The following CADM2 variants were observed in gnomAD, a reference collection of about 807,000 sequenced individuals.
The protein encoded by CADM2 is immunoglobulin superfamily member 4D.
A neutral mutation model predicts 49.8 loss-of-function variants in CADM2; 12 were observed. The observed-to-expected ratio is 0.24, with a 90% CI of 0.15 to 0.39. The LOEUF (loss-of-function observed/expected upper bound fraction) is 0.39, where lower values mean the gene tolerates loss of function less well. Ranked by LOEUF, CADM2 falls within the 10% of genes least tolerant of loss-of-function variation. The pLI, the probability that CADM2 is intolerant of heterozygous loss-of-function variation, is 1.00. For synonymous variants in CADM2, 214 were observed against 175.4 expected (o/e 1.22, Z -1.74); for missense variants, 378 against 492.3 (o/e 0.77, Z 2.20).
chr3:85,292,529 A>C (rs1449175684), intron 1 of CADM2, among the ~76,000 whole-genome samples: 1 of 151,924 alleles, frequency 6.6e-6, no homozygotes, highest in African/African-American at 2.4e-5. Context: ...AATTGACCAC[A>C]TACTTGGAAG....
intron 1 of CADM2, among the ~76,000 whole-genome samples, chr3:85,323,183 G>T (rs114781402): frequency 6.6e-6 from 1 of 152,118 alleles, no homozygotes; most frequent in Non-Finnish European, 1.5e-5. Flanking sequence ...GTCTAGGACT[G>T]AATGCAATCT....
At chr3:85,916,760 A>C (rs1423414021) in intron 6 of CADM2, among the ~76,000 whole-genome samples, 4 of 152,132 alleles carry the variant, frequency 2.6e-5, no homozygotes, top group Non-Finnish European at 5.9e-5. Flanking sequence ...GACTTCCACA[A>C]TGGTTGAACT....
intron 1 of CADM2, among the ~76,000 whole-genome samples, chr3:85,598,008 C>A (rs1412835051): frequency 6.6e-6 from 1 of 151,874 alleles, no homozygotes; most frequent in African/African-American, 2.4e-5. Flanking sequence ...TGTAACATTT[C>A]TTTAGCAATT....
intron 1 of CADM2, among the ~76,000 whole-genome samples, chr3:85,004,883 A>G (rs576921553): frequency 6.6e-6 from 1 of 152,294 alleles, no homozygotes; most frequent in Admixed American, 6.5e-5. Flanking sequence ...TCTGGCAGCA[A>G]TATGGACTGA....
Position 85,259,542 on chromosome 3 carries a change from T to C in CADM2, c.61+299874T>C, listed in dbSNP as rs6788409. On this transcript the variant is annotated intron_variant, in intron 1 of 9. Transcript: ENST00000383699. ...AATGATGCCTTCAGTAGTTTTCAGTTTTATTTTCCTTTAAACATTTACAAA... is the reference window on the plus strand; with the variant it reads ...AATGATGCCTTCAGTAGTTTTCAGTCTTATTTTCCTTTAAACATTTACAAA... Among the ~76,000 whole-genome samples, 1,054 of 152,166 alleles carry C rather than the reference T, an allele frequency of 6.9e-3. 9 individuals carry two copies. Among genetic ancestry groups the C allele is most frequent in the African/African-American group, 0.023 (965 of 41,522 alleles).
At chr3:85,139,847 G>GT (rs1304690232) in intron 1 of CADM2, among the ~76,000 whole-genome samples, 1 of 152,066 alleles carries the variant, frequency 6.6e-6, no homozygotes, top group Non-Finnish European at 1.5e-5. Flanking sequence ...ACTTATAAGG[G>GT]TTTTTTCAAG....
intron 2 of CADM2, among the ~76,000 whole-genome samples, chr3:85,738,775 A>T (rs1162434309): frequency 2.6e-5 from 4 of 152,320 alleles, no homozygotes; most frequent in Non-Finnish European, 5.9e-5. Flanking sequence ...TAAGAGATAT[A>T]CTAAAAGAGC....
chr3:85,643,631 G>A (rs2064796081), intron 1 of CADM2, among the ~76,000 whole-genome samples: 1 of 152,112 alleles, frequency 6.6e-6, no homozygotes, highest in East Asian at 1.9e-4. Flanking sequence ...GCTGAAGCAG[G>A]AGGGGAGCCC....
At chr3:86,026,243 T>C (rs557347300) in intron 8 of CADM2, among the ~76,000 whole-genome samples, 1 of 152,260 alleles carries the variant, frequency 6.6e-6, no homozygotes, top group African/African-American at 2.4e-5. Flanking sequence ...TGTGTTTAAA[T>C]TTAAAACATG....
intron 8 of CADM2, chr3:86,027,755 T>C (rs551275357): frequency 1.3e-5 from 2 of 152,216 alleles, no homozygotes; most frequent in South Asian, 4.1e-4. Context: ...TTTCAATAAC[T>C]TTTCAATTTT....
chr3:85,656,388 G>T (rs981241484), intron 1 of CADM2, among the ~76,000 whole-genome samples: 1 of 152,116 alleles, frequency 6.6e-6, no homozygotes, highest in Non-Finnish European at 1.5e-5. Flanking sequence ...AGGCCGAGGC[G>T]GGCAGATCAT....
At chr3:85,879,316 A>G (rs148275234) in intron 3 of CADM2, among the ~76,000 whole-genome samples, 119 of 152,172 alleles carry the variant, frequency 7.8e-4, no homozygotes, top group African/African-American at 2.7e-3. Flanking sequence ...TTTCACATTC[A>G]ATATAAATCA....
intron 1 of CADM2, among the ~76,000 whole-genome samples, chr3:85,166,506 T>C (rs889988194): frequency 1.6e-4 from 25 of 151,854 alleles, no homozygotes; most frequent in African/African-American, 5.5e-4. Flanking sequence ...AACAATGAAA[T>C]ACATATTTCT....
At chr3:85,407,223 T>C (rs1165422058) in intron 1 of CADM2, among the ~76,000 whole-genome samples, 1 of 151,870 alleles carries the variant, frequency 6.6e-6, no homozygotes, top group Admixed American at 6.6e-5. Flanking sequence ...AAAATGAGAT[T>C]ATGTCATGCC....
At chr3:85,364,908 T>C (rs557786244) in intron 1 of CADM2, among the ~76,000 whole-genome samples, 103 of 146,590 alleles carry the variant, frequency 7.0e-4, no homozygotes, top group Middle Eastern at 3.5e-3. Flanking sequence ...ACAACAACAA[T>C]AAACTAGAAG....
At chr3:85,773,589 G>A (rs185546569) in intron 2 of CADM2, among the ~76,000 whole-genome samples, 20 of 152,036 alleles carry the variant, frequency 1.3e-4, no homozygotes, top group African/African-American at 4.8e-4. Flanking sequence ...TTGTTTAGGA[G>A]TTCATTAGTT....
In CADM2 at chr3:85,237,282, G is replaced by T. The variant is rs577449127; in HGVS notation, c.61+277614G>T. On this transcript the variant is annotated intron_variant, in intron 1 of 9. Coordinates refer to ENST00000383699, the MANE Select transcript of CADM2 (RefSeq NM_001167675.2). ...AGTCATAATTATAAATATCTATTAG[G>T]TTCAAAATTACCTAGATGTGTCAGA... Among the ~76,000 whole-genome samples, 272 of 151,706 alleles carry T rather than the reference G, an allele frequency of 1.8e-3. 1 individual carries two copies. The highest frequency in any genetic ancestry group is 6.3e-3 in the African/African-American group (261 of 41,410).
At chr3:85,434,945 A>ATGAT (rs2036857347) in intron 1 of CADM2, among the ~76,000 whole-genome samples, 1 of 152,062 alleles carries the variant, frequency 6.6e-6, no homozygotes, top group Non-Finnish European at 1.5e-5. Context: ...CTAGTATATA[A>ATGAT]TGATTGTTGC....
chr3:85,402,570 AT>A (rs2035168476), intron 1 of CADM2, among the ~76,000 whole-genome samples: 1 of 152,088 alleles, frequency 6.6e-6, no homozygotes, highest in South Asian at 2.1e-4. Context: ...ATAAAAAAAA[AT>A]CCATCAATTT....
Sources: allele counts gnomAD v4.1 joint callset (sites outside exome capture counted in the v4.1 genomes callset), GRCh38; gene constraint gnomAD v4.1.1; transcripts MANE v1.5; gene names NCBI Gene and HGNC (gene_info 2026-07-23, HGNC 2026-07-21).